Variants in STK17A observed in about 807,000 individuals in gnomAD.
STK17A encodes the protein serine/threonine-protein kinase 17A.
Under a neutral mutation model 43.7 loss-of-function variants are expected in STK17A, and 26 were observed. That is an observed-to-expected ratio of 0.60 (90% confidence interval 0.44 to 0.83). The LOEUF is 0.83. Ranked by LOEUF, STK17A falls within the 40% of genes least tolerant of loss-of-function variation. STK17A has a pLI of 0.00. For missense variants in STK17A, 476 were observed against 511.6 expected (o/e 0.93, Z 0.67); for synonymous variants, 191 against 182.5 (o/e 1.05, Z -0.38).
At chr7:43,610,698 A>G (rs988159958) in intron 3 of STK17A, among the ~76,000 whole-genome samples, 4 of 152,134 alleles carry the variant, frequency 2.6e-5, no homozygotes, top group African/African-American at 9.7e-5. Flanking sequence ...CACATTCCGT[A>G]ATACCTTTGT....
chr7:43,583,113 C>A lies in STK17A; in HGVS notation c.-131C>A. On this transcript the variant is annotated 5_prime_UTR_variant, in exon 1 of 7. Coordinates refer to ENST00000319357, the MANE Select transcript of STK17A (RefSeq NM_004760.3). ...CTACCGGTAGTCTGCCTGCCGCAGT[C>A]CGAGCGCCGCGCTGGGGAGAGCGGG... 1.0e-6 allele frequency: 1 copy of A among 998,358 alleles called. No individual in the cohort carries two copies. Among genetic ancestry groups the A allele is most frequent in the Non-Finnish European group, 1.4e-6 (1 of 700,810 alleles). The allele number at this position is 998,358 out of a possible 1,614,324, so 61.8% of individuals were successfully genotyped here.
intron 2 of STK17A, among the ~76,000 whole-genome samples, chr7:43,600,965 C>G (rs1322829445): frequency 6.6e-6 from 1 of 152,100 alleles, no homozygotes; most frequent in African/African-American, 2.4e-5. Flanking sequence ...TTATGGCATT[C>G]TCCATGTAGC....
chr7:43,598,046 C>T (rs1410483837), intron 2 of STK17A, among the ~76,000 whole-genome samples: 7 of 152,090 alleles, frequency 4.6e-5, no homozygotes, highest in Non-Finnish European at 1.0e-4. Context: ...TAATACATGA[C>T]ATTTCATAGG....
At chr7:43,593,505 G>GT (rs544147921) in intron 1 of STK17A, among the ~76,000 whole-genome samples, 178 of 152,306 alleles carry the variant, frequency 1.2e-3, no homozygotes, top group African/African-American at 4.1e-3. Flanking sequence ...CACCAGCAGT[G>GT]TATAAGCGTT....
At chr7:43,599,667 A>G (rs2082543079) in intron 2 of STK17A, among the ~76,000 whole-genome samples, 1 of 152,224 alleles carries the variant, frequency 6.6e-6, no homozygotes, top group South Asian at 2.1e-4. Flanking sequence ...TATAAATATG[A>G]GAAAGGACTT....
At chr7:43,594,375 G>A (rs1055078951) in intron 1 of STK17A, among the ~76,000 whole-genome samples, 3 of 152,198 alleles carry the variant, frequency 2.0e-5, no homozygotes, top group Non-Finnish European at 4.4e-5. Context: ...AGACTGCCAT[G>A]TGGAAAAGAG....
At position 43,589,183 on chromosome 7, in the gene STK17A, A is replaced by C. The variant is rs1012514134; in HGVS notation, c.206+5734A>C. Among the ~76,000 whole-genome samples, 3 of 151,594 alleles carry C rather than the reference A, an allele frequency of 2.0e-5. 1 individual carries two copies. The highest frequency in any genetic ancestry group is 4.4e-5 in the Non-Finnish European group (3 of 67,640). ...ACTTTTATTTAACAAAATAATAAGC[A>C]GTATATATACTAGGTGTGCTGATTA... On this transcript the variant is annotated intron_variant, in intron 1 of 6. Coordinates refer to ENST00000319357, the MANE Select transcript of STK17A (RefSeq NM_004760.3).
intron 6 of STK17A, among the ~76,000 whole-genome samples, chr7:43,624,150 A>T (rs1176359295): frequency 6.6e-6 from 1 of 152,230 alleles, no homozygotes; most frequent in African/African-American, 2.4e-5. Context: ...TTAAATATTA[A>T]TTAGCAAAAC....
At position 43,624,601 on chromosome 7, in the gene STK17A, AG is replaced by A; in HGVS notation, c.1006del (p.Ala336HisfsTer2). The A allele has an allele frequency of 6.2e-7, 1 of 1,614,120 alleles. No individual in the cohort carries two copies. The highest frequency in any genetic ancestry group is 8.5e-7 in the Non-Finnish European group (1 of 1,180,006). On this transcript the variant is annotated frameshift_variant, in exon 7 of 7. Coordinates refer to ENST00000319357, the MANE Select transcript of STK17A (RefSeq NM_004760.3). LOFTEE classifies it high-confidence loss of function. ...CAAGAGCCTTCTTTCAGGATGGAAAAGGCACTAGAAGAAGCAAATGCCCTCC... is the reference window on the plus strand; with the variant it reads ...CAAGAGCCTTCTTTCAGGATGGAAAAGCACTAGAAGAAGCAAATGCCCTCC... Reference protein sequence around the residue: ...SIQEPSFRMEKALEEANALQE... With the variant: ...SIQEPSFRMEXALEEANALQE...
At chr7:43,593,548 GT>G (rs1017633905) in intron 1 of STK17A, among the ~76,000 whole-genome samples, 18 of 152,124 alleles carry the variant, frequency 1.2e-4, no homozygotes, top group African/African-American at 3.6e-4. Context: ...AACATTTGTT[GT>G]TTTTTAACTT....
intron 1 of STK17A, among the ~76,000 whole-genome samples, chr7:43,590,899 G>A (rs973079145): frequency 6.6e-6 from 1 of 151,472 alleles, no homozygotes; most frequent in Non-Finnish European, 1.5e-5. Context: ...GGAATTTAGG[G>A]AACTCTGTCA....
chr7:43,625,002 G>C lies in STK17A; in HGVS notation c.*160G>C. On this transcript the variant is annotated 3_prime_UTR_variant, in exon 7 of 7. Coordinates refer to ENST00000319357, the MANE Select transcript of STK17A (RefSeq NM_004760.3). ...AATTTGTGGAGTTAGGTGGAAGCCA[G>C]ATTTTAAAAGTTGCCAACCAGGAGA... 1 of 619,538 alleles carries C rather than the reference G, an allele frequency of 1.6e-6. No individual in the cohort carries two copies. Among genetic ancestry groups the C allele is most frequent in the African/African-American group, 1.9e-5 (1 of 53,032 alleles). 38.4% of individuals were successfully genotyped at this position (619,538 alleles called of 1,614,324 possible).
At chr7:43,609,395 T>C (rs1412311574) in intron 3 of STK17A, 1 of 152,356 alleles carries the variant, frequency 6.6e-6, no homozygotes, top group Non-Finnish European at 1.5e-5. Context: ...ATCAGTGTCA[T>C]AGGCTCCAAC....
At chr7:43,610,672 A>T (rs969582445) in intron 3 of STK17A, among the ~76,000 whole-genome samples, 1 of 152,310 alleles carries the variant, frequency 6.6e-6, no homozygotes, top group African/African-American at 2.4e-5. Context: ...GTCTCAAAAA[A>T]AGAACTGCTA....
intron 2 of STK17A, among the ~76,000 whole-genome samples, chr7:43,596,350 G>A (rs1024237699): frequency 6.6e-6 from 1 of 151,982 alleles, no homozygotes; most frequent in African/African-American, 2.4e-5. Flanking sequence ...TGGATAAAAG[G>A]TTATCTTACA....
rs1213419040 is a variant in STK17A, at chr7:43,626,645, TAGGG to T, written c.*1807_*1810del. 6.6e-6 allele frequency: 1 copy of T among 152,054 alleles called. No homozygotes were observed. The highest frequency in any genetic ancestry group is 2.1e-4 in the South Asian group (1 of 4,816). 9.4% of individuals were successfully genotyped at this position (152,054 alleles called of 1,614,324 possible). ...GCAAATATTTATCTCTCTGAAAAAA[TAGGG>T]AGGAGGTGACCAGGAAAAAATAACC... is the stretch of plus-strand genomic sequence containing the variant. On this transcript the variant is annotated 3_prime_UTR_variant, in exon 7 of 7. Coordinates refer to ENST00000319357, the MANE Select transcript of STK17A (RefSeq NM_004760.3).
At chr7:43,609,139 A>G (rs2082662819) in intron 3 of STK17A, 2 of 152,220 alleles carry the variant, frequency 1.3e-5, no homozygotes, top group Non-Finnish European at 2.9e-5. Context: ...CAGGGTTCAA[A>G]AACTGTTGCT....
intron 2 of STK17A, among the ~76,000 whole-genome samples, chr7:43,602,237 T>A (rs2082560943): frequency 6.6e-6 from 1 of 152,224 alleles, no homozygotes; most frequent in Non-Finnish European, 1.5e-5. Context: ...CCCGTGGTGG[T>A]TCTTTTCCCT....
At position 43,583,173 on chromosome 7, in the gene STK17A, G is replaced by C; in HGVS notation, c.-71G>C. 2 of 1,496,718 alleles carry C rather than the reference G, an allele frequency of 1.3e-6. No individual in the cohort carries two copies. The highest frequency in any genetic ancestry group is 1.8e-6 in the Non-Finnish European group (2 of 1,112,856). The allele number at this position is 1,496,718 out of a possible 1,614,324, so 92.7% of individuals were successfully genotyped here. A position where few individuals can be genotyped will look rare whatever the true frequency, so the allele number is the denominator to read the frequency against. On this transcript the variant is annotated 5_prime_UTR_variant, in exon 1 of 7. Transcript: ENST00000319357. ...GCTCCGCGGACCGGCACTAGGAGCC[G>C]GGGGCGGGTCCGTGACCCTCCGGCT... is the stretch of plus-strand genomic sequence containing the variant.
Sources: allele counts gnomAD v4.1 joint callset (sites outside exome capture counted in the v4.1 genomes callset), GRCh38; gene constraint gnomAD v4.1.1; transcripts MANE v1.5; gene names NCBI Gene and HGNC (gene_info 2026-07-23, HGNC 2026-07-21).